The following MCTP2 variants were observed in gnomAD, a reference collection of about 807,000 sequenced individuals.
MCTP2 encodes multiple C2 and transmembrane domain-containing protein 2.
Under a neutral mutation model 111.6 loss-of-function variants are expected in MCTP2, and 132 were observed. That is an observed-to-expected ratio of 1.18 (90% CI 1.03 to 1.37). MCTP2 has a LOEUF of 1.37. Ranked by LOEUF, MCTP2 falls within the 40% of genes most tolerant of loss-of-function variation. The pLI is 0.00. For synonymous variants in MCTP2, 395 were observed against 387.7 expected, an observed-to-expected ratio of 1.02 and a Z score of -0.22; for missense variants, 1,183 against 1,067.9, an observed-to-expected ratio of 1.11 and a Z score of -1.50.
At chr15:94,312,808 G>C (rs2076207727) in intron 2 of MCTP2, among the ~76,000 whole-genome samples, 1 of 152,170 alleles carries the variant, frequency 6.6e-6, no homozygotes, top group Non-Finnish European at 1.5e-5. Context: ...GGGCCAGAAA[G>C]CCCGTCCTTG....
At chr15:94,365,744 T>G (rs1399151394) in intron 10 of MCTP2, among the ~76,000 whole-genome samples, 1 of 152,118 alleles carries the variant, frequency 6.6e-6, no homozygotes, top group Non-Finnish European at 1.5e-5. Flanking sequence ...TAAATAAATT[T>G]TGGCTGCTCA....
intron 1 of MCTP2, among the ~76,000 whole-genome samples, chr15:94,283,594 G>C (rs2074607254): frequency 6.6e-6 from 1 of 152,174 alleles, no homozygotes; most frequent in South Asian, 2.1e-4. Context: ...TTTGGGGCCA[G>C]GAATGAGTCT....
In MCTP2 at chr15:94,288,933, GAGTC is replaced by G. The variant is rs551228934; in HGVS notation, c.-65-9264_-65-9261del. 5.9e-5 allele frequency among the ~76,000 whole-genome samples: 9 copies of G among 152,310 alleles called. No homozygotes were observed. In the East Asian group the frequency reaches 1.3e-3, roughly 23 times the overall value. ...AGCAGACTGGGGATGACAGAGGAAA[GAGTC>G]AGTAAAACTGAAGATAAATCAATAA... On this transcript the variant is annotated intron_variant, in intron 1 of 22. Coordinates refer to ENST00000357742, the MANE Select transcript of MCTP2 (RefSeq NM_001385001.1).
At chr15:94,328,500 A>G (rs2076991333) in intron 4 of MCTP2, among the ~76,000 whole-genome samples, 1 of 151,932 alleles carries the variant, frequency 6.6e-6, no homozygotes, top group African/African-American at 2.4e-5. Context: ...TATTTGTTTC[A>G]TTGTCTGTAA....
intron 12 of MCTP2, among the ~76,000 whole-genome samples, chr15:94,379,063 G>GTTT (rs964287445): frequency 5.6e-4 from 84 of 150,980 alleles, no homozygotes; most frequent in African/African-American, 2.0e-3. Flanking sequence ...TTAGTTTTTT[G>GTTT]TTTTTTGTTT....
intron 12 of MCTP2, among the ~76,000 whole-genome samples, chr15:94,382,197 A>AT (rs1399831825): frequency 3.9e-5 from 6 of 152,258 alleles, no homozygotes; most frequent in African/African-American, 1.2e-4. Context: ...CAGAGGCCAC[A>AT]ACAGACTTTT....
At chr15:94,355,114 A>G (rs2078544636) in intron 8 of MCTP2, among the ~76,000 whole-genome samples, 1 of 152,220 alleles carries the variant, frequency 6.6e-6, no homozygotes, top group Non-Finnish European at 1.5e-5. Context: ...CTAGCCATAA[A>G]AAGGCATGGT....
At chr15:94,434,743 T>C (rs973874121) in intron 17 of MCTP2, among the ~76,000 whole-genome samples, 4 of 152,248 alleles carry the variant, frequency 2.6e-5, no homozygotes, top group African/African-American at 7.2e-5. Flanking sequence ...TCACCAACAC[T>C]ACTACTACTT....
intron 1 of MCTP2, among the ~76,000 whole-genome samples, chr15:94,258,912 C>T (rs1384078456): frequency 6.6e-6 from 1 of 152,180 alleles, no homozygotes; most frequent in Non-Finnish European, 1.5e-5. Flanking sequence ...ACTTTTTGAG[C>T]AGACACACCC....
At chr15:94,312,141 C>T (rs1474842837) in intron 2 of MCTP2, among the ~76,000 whole-genome samples, 1 of 152,172 alleles carries the variant, frequency 6.6e-6, no homozygotes, top group Non-Finnish European at 1.5e-5. Context: ...GGCTTCAGAG[C>T]ATCAGCACCG....
chr15:94,399,620 C>T (rs542212557), intron 15 of MCTP2: 4 of 240,314 alleles, frequency 1.7e-5, no homozygotes, highest in South Asian at 1.6e-4. Flanking sequence ...TTATCTTTTA[C>T]GGACGTTAGT....
At chr15:94,424,385 G>A (rs983420323) in intron 17 of MCTP2, among the ~76,000 whole-genome samples, 1 of 152,044 alleles carries the variant, frequency 6.6e-6, no homozygotes, top group Non-Finnish European at 1.5e-5. Context: ...GTGGACGCGT[G>A]TAAGAATTTA....
In MCTP2 at chr15:94,318,262, C is replaced by A. The variant is rs1217614852; in HGVS notation, c.637+2625C>A. On this transcript the variant is annotated intron_variant, in intron 4 of 22. Coordinates refer to ENST00000357742, the MANE Select transcript of MCTP2 (RefSeq NM_001385001.1). Reference sequence around the variant, plus strand: ...CTGTTTTACATTTATGGAATTTCTTCAAAAAAAAAATTTTTTTTTTTTTTT... The same window carrying A: ...CTGTTTTACATTTATGGAATTTCTTAAAAAAAAAAATTTTTTTTTTTTTTT... 1.1e-3 allele frequency among the ~76,000 whole-genome samples: 149 copies of A among 139,894 alleles called. 1 individual carries two copies. Among genetic ancestry groups the A allele is most frequent in the South Asian group, 4.6e-4 (2 of 4,322 alleles). The allele number at this position is 139,894 out of a possible 152,430, so 91.8% of individuals were successfully genotyped here. A position where few individuals can be genotyped will look rare whatever the true frequency, so the allele number is the denominator to read the frequency against.
At chr15:94,402,912 G>A in intron 17 of MCTP2, 1 of 1,077,828 alleles carries the variant, frequency 9.3e-7, no homozygotes. Context: ...ATGTTATGTG[G>A]TTCTGCTTCT....
At chr15:94,268,162 G>A (rs1465792574) in intron 1 of MCTP2, among the ~76,000 whole-genome samples, 5 of 147,672 alleles carry the variant, frequency 3.4e-5, no homozygotes, top group South Asian at 2.2e-4. Flanking sequence ...CACCACGCCC[G>A]GCCCAAATTC....
At position 94,481,205 on chromosome 15, in the gene MCTP2, G is replaced by T. The variant is rs1437500688; in HGVS notation, c.*2171G>T. The T allele has an allele frequency of 6.6e-6, 1 of 151,590 alleles. No homozygotes were observed. Among genetic ancestry groups the T allele is most frequent in the Non-Finnish European group, 1.5e-5 (1 of 67,888 alleles). 9.4% of individuals were successfully genotyped at this position (151,590 alleles called of 1,614,324 possible). A position where few individuals can be genotyped will look rare whatever the true frequency, so the allele number is the denominator to read the frequency against. On this transcript the variant is annotated 3_prime_UTR_variant, in exon 23 of 23. Coordinates refer to ENST00000357742, the MANE Select transcript of MCTP2 (RefSeq NM_001385001.1). ...CTCAAACTTTATCTTCCCATTTCTA[G>T]CCCTGTCTCTCTATCTTACAGGCAT...
In MCTP2 at chr15:94,275,999, C is replaced by T. The variant is rs142364543; in HGVS notation, c.-65-22202C>T. ...GAGTAGCTGGGACAGGCACTTGCCA[C>T]CATGCCCAGCTAATTTTTGTATTTT... is the stretch of plus-strand genomic sequence containing the variant. On this transcript the variant is annotated intron_variant, in intron 1 of 22. Transcript: ENST00000357742. 5.2e-3 allele frequency among the ~76,000 whole-genome samples: 792 copies of T among 152,106 alleles called. 22 individuals are homozygous for T. The highest frequency in any genetic ancestry group is 0.035 in the Admixed American group (534 of 15,280).
chr15:94,460,120 T>C (rs1333410120), intron 20 of MCTP2, among the ~76,000 whole-genome samples: 1 of 152,182 alleles, frequency 6.6e-6, no homozygotes, highest in Non-Finnish European at 1.5e-5. Flanking sequence ...AACAGAGTAA[T>C]AGCCAATTAG....
chr15:94,428,308 G>A (rs1466308297), intron 17 of MCTP2, among the ~76,000 whole-genome samples: 1 of 152,056 alleles, frequency 6.6e-6, no homozygotes, highest in African/African-American at 2.4e-5. Flanking sequence ...GAATATATAC[G>A]TTAAATTATT....
Sources: allele counts gnomAD v4.1 joint callset (sites outside exome capture counted in the v4.1 genomes callset), GRCh38; gene constraint gnomAD v4.1.1; transcripts MANE v1.5; gene names NCBI Gene and HGNC (gene_info 2026-07-23, HGNC 2026-07-21).